Variants in SUGCT observed in about 807,000 individuals in gnomAD.
SUGCT encodes succinyl-CoA:glutarate-CoA transferase, also known as succinyl-CoA:glutarate CoA-transferase.
Under a neutral mutation model 55.0 loss-of-function variants are expected in SUGCT, and 41 were observed. The observed-to-expected ratio is 0.74, with a 90% confidence interval of 0.58 to 0.97. The LOEUF is 0.97. Ranked by LOEUF, SUGCT falls within the 50% of genes least tolerant of loss-of-function variation. The probability of loss-of-function intolerance (pLI) is 0.00; values close to 1 mark genes in which losing one functional copy is unlikely to be tolerated. For synonymous variants in SUGCT, 187 were observed against 200.4 expected, an observed-to-expected ratio of 0.93 and a Z score of 0.56; for missense variants, 568 against 547.8, an observed-to-expected ratio of 1.04 and a Z score of -0.37.
intron 13 of SUGCT, among the ~76,000 whole-genome samples, chr7:40,798,934 T>C (rs1162134496): frequency 6.6e-6 from 1 of 152,222 alleles, no homozygotes; most frequent in Non-Finnish European, 1.5e-5. Flanking sequence ...AACTTGTCAT[T>C]TCTCATTACA....
At chr7:40,151,714 C>T (rs1788583981) in intron 1 of SUGCT, 1 of 179,680 alleles carries the variant, frequency 5.6e-6, no homozygotes, top group Non-Finnish European at 1.2e-5. Context: ...AGAGGTGAGT[C>T]TTAGCTTCCT....
In SUGCT at chr7:40,508,072, T is replaced by A. The variant is rs533013822; in HGVS notation, c.1089+11686T>A. The stretch of plus-strand genomic sequence containing the variant: ...TCAGGCAGAGCTGGAGAACTCTTCA[T>A]CCTTATGACCTACCTTTCTGCCAGG... On this transcript the variant is annotated intron_variant, in intron 12 of 13. Transcript: ENST00000335693. Among the ~76,000 whole-genome samples, 4 of 152,302 alleles carry A rather than the reference T, an allele frequency of 2.6e-5. No individual in the cohort carries two copies. The South Asian group carries it at 8.3e-4, about 32-fold the overall frequency.
At chr7:40,431,117 CAAAAAA>C (rs869159761) in intron 9 of SUGCT, among the ~76,000 whole-genome samples, 2 of 86,966 alleles carry the variant, frequency 2.3e-5, no homozygotes, top group Non-Finnish European at 2.3e-5. Context: ...GACTTCGTCT[CAAAAAA>C]AAAAAAAAAA....
intron 12 of SUGCT, among the ~76,000 whole-genome samples, chr7:40,550,220 T>C (rs1313016975): frequency 6.6e-6 from 1 of 152,208 alleles, no homozygotes; most frequent in African/African-American, 2.4e-5. Context: ...TCCTCTTTGG[T>C]CTTGTCTGTG....
intron 12 of SUGCT, among the ~76,000 whole-genome samples, chr7:40,592,212 A>C (rs756010376): frequency 6.6e-6 from 1 of 152,202 alleles, no homozygotes; most frequent in Admixed American, 6.5e-5. Flanking sequence ...ATTGCTAATC[A>C]TCATAATTAT....
chr7:40,275,827 A>G (rs879216783), intron 8 of SUGCT, among the ~76,000 whole-genome samples: 8 of 152,212 alleles, frequency 5.3e-5, no homozygotes, highest in Non-Finnish European at 2.9e-5. Context: ...ACTCACTGTC[A>G]AAATGACATT....
At chr7:40,491,361 A>G (rs1374124415) in intron 11 of SUGCT, among the ~76,000 whole-genome samples, 3 of 152,186 alleles carry the variant, frequency 2.0e-5, no homozygotes, top group Non-Finnish European at 2.9e-5. Context: ...CTATAAGGCA[A>G]TTGTATCTAA....
intron 12 of SUGCT, among the ~76,000 whole-genome samples, chr7:40,701,250 A>G (rs900666457): frequency 1.3e-5 from 2 of 152,098 alleles, no homozygotes; most frequent in Non-Finnish European, 2.9e-5. Context: ...ACATTAAGCA[A>G]CCATCTTTTA....
chr7:40,565,978 C>A (rs915698422), intron 12 of SUGCT, among the ~76,000 whole-genome samples: 1 of 114,692 alleles, frequency 8.7e-6, no homozygotes, highest in Non-Finnish European at 1.9e-5. Flanking sequence ...CACACACACA[C>A]ACACACACAC....
chr7:40,295,802 G>A (rs931720733), intron 8 of SUGCT, among the ~76,000 whole-genome samples: 1 of 152,110 alleles, frequency 6.6e-6, no homozygotes, highest in African/African-American at 2.4e-5. Context: ...GATAAATTTT[G>A]CATTTTTTAA....
chr7:41,032,772 T>C, the SUGCT span, among the ~76,000 whole-genome samples: 802 of 152,330 alleles, frequency 5.3e-3, 3 homozygotes, highest in African/African-American at 0.018. Context: ...GTTTGTTTAT[T>C]TGTTTGTTTT....
intron 10 of SUGCT, among the ~76,000 whole-genome samples, chr7:40,454,560 A>G (rs750256223): frequency 6.6e-6 from 1 of 152,180 alleles, no homozygotes; most frequent in Non-Finnish European, 1.5e-5. Context: ...ACTCAATACT[A>G]TAGGCAATTG....
At chr7:40,232,155 G>C (rs1328418458) in intron 6 of SUGCT, among the ~76,000 whole-genome samples, 1 of 152,158 alleles carries the variant, frequency 6.6e-6, no homozygotes, top group African/African-American at 2.4e-5. Context: ...GAGGTAGGGA[G>C]AGCAGAAACA....
At chr7:40,729,644 G>A (rs748793812) in intron 12 of SUGCT, among the ~76,000 whole-genome samples, 1 of 152,170 alleles carries the variant, frequency 6.6e-6, no homozygotes. Flanking sequence ...GTGGGAATCT[G>A]AGGGCCTTTG....
chr7:40,434,445 T>G (rs1788063804), intron 9 of SUGCT, among the ~76,000 whole-genome samples: 1 of 152,078 alleles, frequency 6.6e-6, no homozygotes, highest in Non-Finnish European at 1.5e-5. Context: ...GGTGTAATGA[T>G]TTTTTCATTG....
the SUGCT span, among the ~76,000 whole-genome samples, chr7:40,973,546 G>A: frequency 3.9e-5 from 6 of 152,116 alleles, no homozygotes; most frequent in East Asian, 1.9e-4. Context: ...TTAAAAGCAC[G>A]TCTGAACTAT....
chr7:40,649,887 C>T (rs1454111168), intron 12 of SUGCT, among the ~76,000 whole-genome samples: 1 of 152,152 alleles, frequency 6.6e-6, no homozygotes, highest in Non-Finnish European at 1.5e-5. Context: ...TTTATTGCTG[C>T]ATAACAAATT....
chr7:40,327,407 T>A (rs573431452), intron 9 of SUGCT, among the ~76,000 whole-genome samples: 1 of 152,218 alleles, frequency 6.6e-6, no homozygotes, highest in African/African-American at 2.4e-5. Context: ...CTGGGCTACT[T>A]CTTAGGAAAG....
At chr7:40,652,336 T>C (rs1800817821) in intron 12 of SUGCT, among the ~76,000 whole-genome samples, 1 of 152,212 alleles carries the variant, frequency 6.6e-6, no homozygotes. Flanking sequence ...CTCTATTCTA[T>C]CAACAGAACA....
Sources: allele counts gnomAD v4.1 joint callset (sites outside exome capture counted in the v4.1 genomes callset), GRCh38; gene constraint gnomAD v4.1.1; transcripts MANE v1.5; gene names NCBI Gene and HGNC (gene_info 2026-07-23, HGNC 2026-07-21).